CMKLR2: variants seen among roughly 807,000 people sequenced by gnomAD.
CMKLR2 encodes chemerin-like receptor 2.
In CMKLR2, 18 loss-of-function variants were observed where a neutral mutation model predicts 23.0. The ratio of observed to expected loss-of-function variants is 0.78; its 90% CI spans 0.54 to 1.16. CMKLR2 has a LOEUF of 1.16. Among genes scored for constraint, CMKLR2 ranks in the 50% most tolerant of loss-of-function variants. The pLI is 0.00. For missense variants in CMKLR2, 401 were observed against 412.7 expected (o/e 0.97, Z 0.25); for synonymous variants, 158 against 158.9 (o/e 0.99, Z 0.05).
rs774765099 is a variant in CMKLR2 at position 206,176,841 on chromosome 2, T to C, written c.407A>G (p.Tyr136Cys). Residue 136 changes from tyrosine (Y) to cysteine (C), a missense_variant, in exon 2 of 2, where the codon TAT (tyrosine) becomes TGT (cysteine). By Grantham distance (194) the Tyr-to-Cys change is radical. Coordinates refer to ENST00000621141, the MANE Select transcript of CMKLR2 (RefSeq NM_001389445.1). ...FFLTVISLDHYIHLIHPVLSH... is the reference protein window; with the variant it reads ...FFLTVISLDHCIHLIHPVLSH... ...TAAGACAGGATGGATCAAGTGGATA[T>C]AGTGGTCCAGGCTGATCACTGTCAG... The C allele has an allele frequency of 1.5e-5, 24 of 1,614,140 alleles. No homozygotes were observed. The highest frequency in any genetic ancestry group is 1.9e-5 in the Non-Finnish European group (23 of 1,180,022).
chr2:206,214,667 A>G (rs1386754901), upstream of CMKLR2, among the ~76,000 whole-genome samples: 1 of 151,946 alleles, frequency 6.6e-6, no homozygotes, highest in Non-Finnish European at 1.5e-5. Context: ...TCTGTTGCCC[A>G]GGATGGAGTG....
At chr2:206,196,809 A>G (rs1394116449) in intron 1 of CMKLR2, among the ~76,000 whole-genome samples, 1 of 152,232 alleles carries the variant, frequency 6.6e-6, no homozygotes, top group Non-Finnish European at 1.5e-5. Flanking sequence ...GGATGACTTT[A>G]CAAGAACCAA....
chr2:206,187,369 G>A (rs1264649069), intron 1 of CMKLR2, among the ~76,000 whole-genome samples: 8 of 152,176 alleles, frequency 5.3e-5, no homozygotes, highest in African/African-American at 9.7e-5. Context: ...ATGGTTGAGC[G>A]CAACTTTGGG....
intron 1 of CMKLR2, among the ~76,000 whole-genome samples, chr2:206,195,675 C>A (rs114746899): frequency 0.064 from 9,725 of 152,268 alleles, 504 homozygotes; most frequent in Admixed American, 0.17. Flanking sequence ...TCTTCAGAGG[C>A]CAGGCGCAGT....
intron 1 of CMKLR2, chr2:206,203,592 G>T (rs190031742): frequency 1.2e-3 from 177 of 152,352 alleles, no homozygotes; most frequent in Non-Finnish European, 2.0e-3. Flanking sequence ...TGGAAGCTCC[G>T]CGCCCCTTCC....
intron 1 of CMKLR2, among the ~76,000 whole-genome samples, chr2:206,177,615 G>C (rs1239992950): frequency 6.6e-6 from 1 of 151,992 alleles, no homozygotes; most frequent in African/African-American, 2.4e-5. Flanking sequence ...TTGAACTCCT[G>C]GGCTCAAGTG....
chr2:206,214,944 G>C (rs1001532240), upstream of CMKLR2, among the ~76,000 whole-genome samples: 1 of 151,898 alleles, frequency 6.6e-6, no homozygotes, highest in African/African-American at 2.4e-5. Flanking sequence ...ATTTTTGTAT[G>C]GTCTAACTTC....
At chr2:206,191,861 T>A in intron 1 of CMKLR2, among the ~76,000 whole-genome samples, 1 of 139,790 alleles carries the variant, frequency 7.2e-6, no homozygotes, top group Non-Finnish European at 1.6e-5. Flanking sequence ...TTTTTTTTGA[T>A]ACAGAGTCTC....
chr2:206,188,437 G>A (rs775898014), intron 1 of CMKLR2, among the ~76,000 whole-genome samples: 8 of 152,170 alleles, frequency 5.3e-5, no homozygotes, highest in Non-Finnish European at 8.8e-5. Context: ...AACCATATGT[G>A]CTGCTGAAAG....
At chr2:206,189,300 C>T (rs1254373763) in intron 1 of CMKLR2, among the ~76,000 whole-genome samples, 1 of 152,078 alleles carries the variant, frequency 6.6e-6, no homozygotes, top group Non-Finnish European at 1.5e-5. Context: ...CACAGGGGCC[C>T]TTGGGGGAAC....
chr2:206,195,042 C>T (rs897209013), intron 1 of CMKLR2, among the ~76,000 whole-genome samples: 1 of 152,156 alleles, frequency 6.6e-6, no homozygotes, highest in Non-Finnish European at 1.5e-5. Flanking sequence ...AGGCATGAGC[C>T]ACCATGCCCG....
chr2:206,177,389 T>A (rs1187519909), intron 1 of CMKLR2, 114 bp from the exon 2 acceptor site: 1 of 602,856 alleles, frequency 1.7e-6, no homozygotes, highest in Non-Finnish European at 2.9e-6. Flanking sequence ...AGACATAGTA[T>A]TATTTTTTCT....
chr2:206,185,458 A>T, intron 1 of CMKLR2, among the ~76,000 whole-genome samples: 1 of 152,226 alleles, frequency 6.6e-6, no homozygotes, highest in Middle Eastern at 3.2e-3. Context: ...GGATGCCAGT[A>T]TGTCTAGGGC....
intron 1 of CMKLR2, among the ~76,000 whole-genome samples, chr2:206,204,905 G>T (rs578103858): frequency 6.6e-6 from 1 of 152,272 alleles, no homozygotes; most frequent in South Asian, 2.1e-4. Flanking sequence ...CACCAAAGGA[G>T]TTTATTTATT....
chr2:206,180,873 G>A (rs1394223061), intron 1 of CMKLR2, among the ~76,000 whole-genome samples: 1 of 151,154 alleles, frequency 6.6e-6, no homozygotes, highest in East Asian at 1.9e-4. Context: ...TCCTGCCTCA[G>A]CCTCCCTAAT....
chr2:206,175,418 T>A lies in CMKLR2; in HGVS notation c.*762A>T, dbSNP rs1688174533. The A allele has an allele frequency of 6.6e-6, 1 of 152,222 alleles. No individual in the cohort carries two copies. The highest frequency in any genetic ancestry group is 2.4e-5 in the African/African-American group (1 of 41,450). 9.4% of individuals were successfully genotyped at this position (152,222 alleles called of 1,614,324 possible). On this transcript the variant is annotated 3_prime_UTR_variant, in exon 2 of 2. Transcript: ENST00000621141. ...GCATTTTAAAAATGTGTCTAGCAGG[T>A]TATTGTACAAAATTAAAATGAATTT...
At chr2:206,196,310 G>A (rs1311710487) in intron 1 of CMKLR2, among the ~76,000 whole-genome samples, 1 of 152,124 alleles carries the variant, frequency 6.6e-6, no homozygotes, top group Non-Finnish European at 1.5e-5. Flanking sequence ...GGAGGCACAG[G>A]TTGCAGTGAG....
upstream of CMKLR2, chr2:206,213,788 A>T (rs955059093): frequency 6.6e-6 from 1 of 152,372 alleles, no homozygotes; most frequent in African/African-American, 2.4e-5. Flanking sequence ...TCTGTGATTC[A>T]GTGTGTCCTG....
intron 1 of CMKLR2, among the ~76,000 whole-genome samples, chr2:206,206,917 C>CCT (rs34198269): frequency 4.9e-4 from 62 of 126,140 alleles, no homozygotes; most frequent in African/African-American, 1.7e-3. Context: ...CCCCCTGCCC[C>CCT]TTTTTTTTTT....
Sources: allele counts gnomAD v4.1 joint callset (sites outside exome capture counted in the v4.1 genomes callset), GRCh38; gene constraint gnomAD v4.1.1; transcripts MANE v1.5; gene names NCBI Gene and HGNC (gene_info 2026-07-23, HGNC 2026-07-21).